The following CTTNBP2 variants were observed in gnomAD, a reference collection of about 807,000 sequenced individuals.
The protein encoded by CTTNBP2 is cortactin binding protein 2.
In CTTNBP2, 108 loss-of-function variants were observed where a neutral mutation model predicts 156.9. The ratio of observed to expected loss-of-function variants is 0.69; its 90% CI spans 0.59 to 0.81. The LOEUF is 0.81. Among genes scored for constraint, CTTNBP2 ranks in the 30% least tolerant of loss-of-function variants. The pLI is 0.00. For missense variants in CTTNBP2, 1,924 were observed against 2,035.4 expected, an observed-to-expected ratio of 0.95 and a Z score of 1.05; for synonymous variants, 767 against 751.8, an observed-to-expected ratio of 1.02 and a Z score of -0.33.
intron 19 of CTTNBP2, among the ~76,000 whole-genome samples, chr7:117,724,019 C>T (rs750870170): frequency 1.3e-5 from 2 of 152,042 alleles, no homozygotes; most frequent in African/African-American, 4.8e-5. Flanking sequence ...TATGAGCCAC[C>T]ATGCCTGGCC....
chr7:117,865,027 C>A (rs1804072980), intron 1 of CTTNBP2, among the ~76,000 whole-genome samples: 1 of 148,022 alleles, frequency 6.8e-6, no homozygotes, highest in African/African-American at 2.5e-5. Context: ...GCATATGGTA[C>A]AAAAGTACTT....
rs928272191 is a variant in CTTNBP2 at position 117,873,328 on chromosome 7, C to T, written c.81+7G>A. ...TAGCCCCGCGCCCGCCCCGGGAACT[C>T]GGTTACCGCCGCCTCCGCCGCGGCC... On this transcript the variant is annotated splice_region_variant and intron_variant, in intron 1 of 22. Transcript: ENST00000160373. 6.9e-7 allele frequency: 1 copy of T among 1,441,722 alleles called. No individual in the cohort carries two copies. Among genetic ancestry groups the T allele is most frequent in the Non-Finnish European group, 9.1e-7 (1 of 1,101,518 alleles). The allele number at this position is 1,441,722 out of a possible 1,614,324, so 89.3% of individuals were successfully genotyped here. A position where few individuals can be genotyped will look rare whatever the true frequency, so the allele number is the denominator to read the frequency against.
chr7:117,851,508 T>C (rs1247697068), intron 2 of CTTNBP2, among the ~76,000 whole-genome samples: 5 of 152,220 alleles, frequency 3.3e-5, no homozygotes, highest in Non-Finnish European at 7.3e-5. Flanking sequence ...TCCCTTTTAC[T>C]GTCAATCTAT....
intron 3 of CTTNBP2, among the ~76,000 whole-genome samples, chr7:117,801,116 A>G (rs985970032): frequency 3.9e-5 from 6 of 152,186 alleles, no homozygotes; most frequent in Admixed American, 2.0e-4. Flanking sequence ...ACAGGGGAGA[A>G]AGAAAAGCTT....
chr7:117,831,354 C>G (rs1801601265), intron 2 of CTTNBP2, among the ~76,000 whole-genome samples: 1 of 152,104 alleles, frequency 6.6e-6, no homozygotes, highest in African/African-American at 2.4e-5. Context: ...CAGTGTAGAG[C>G]TCTTAACATT....
chr7:117,757,429 A>G (rs1384778524), intron 11 of CTTNBP2, among the ~76,000 whole-genome samples: 1 of 150,486 alleles, frequency 6.6e-6, no homozygotes, highest in African/African-American at 2.4e-5. Flanking sequence ...TTTGATACTT[A>G]TAGTATGCTA....
At chr7:117,826,115 A>G (rs1801259061) in intron 2 of CTTNBP2, among the ~76,000 whole-genome samples, 2 of 152,128 alleles carry the variant, frequency 1.3e-5, no homozygotes, top group South Asian at 4.1e-4. Context: ...ACCACCCATT[A>G]TTCTAGAGCC....
At position 117,737,409 on chromosome 7, in the gene CTTNBP2, G is replaced by C. The variant is rs151161720; in HGVS notation, c.3536-1988C>G. Reference sequence around the variant, plus strand: ...CTGATTTGTGTTAAGTGCATCGCCAGTTTAAGTGGCTCTGAAGCTGCTGCA... The same window carrying C: ...CTGATTTGTGTTAAGTGCATCGCCACTTTAAGTGGCTCTGAAGCTGCTGCA... On this transcript the variant is annotated intron_variant, in intron 14 of 22. Transcript: ENST00000160373. Among the ~76,000 whole-genome samples the C allele has an allele frequency of 2.0e-3, 309 of 152,306 alleles. 1 individual carries two copies. Among genetic ancestry groups the C allele is most frequent in the African/African-American group, 7.0e-3 (292 of 41,562 alleles).
chr7:117,837,240 A>C (rs1802012597), intron 2 of CTTNBP2, among the ~76,000 whole-genome samples: 1 of 152,208 alleles, frequency 6.6e-6, no homozygotes. Context: ...AATTCCCCTA[A>C]GCCATTGAAT....
rs575287172 is a variant in CTTNBP2 at position 117,825,274 on chromosome 7, C to G, written c.190-14285G>C. ...CTCCTTACTAGGTACAAGGAAAAGT[C>G]TCTCATCGTCTGTCCTTGCAGAGTA... On this transcript the variant is annotated intron_variant, in intron 2 of 22. Transcript: ENST00000160373. Among the ~76,000 whole-genome samples the G allele has an allele frequency of 3.9e-5, 6 of 152,318 alleles. No individual in the cohort carries two copies. In the East Asian group the frequency reaches 1.2e-3, roughly 29 times the overall value.
chr7:117,768,545 G>A (rs1260398848), intron 8 of CTTNBP2, among the ~76,000 whole-genome samples: 1 of 99,778 alleles, frequency 1.0e-5, no homozygotes, highest in Non-Finnish European at 1.8e-5. Flanking sequence ...CAGCCTGGGT[G>A]ACAAAGCAAG....
intron 3 of CTTNBP2, among the ~76,000 whole-genome samples, chr7:117,797,350 C>A (rs972074487): frequency 6.6e-5 from 10 of 152,200 alleles, no homozygotes; most frequent in Non-Finnish European, 1.5e-5. Flanking sequence ...CAAAGTACAG[C>A]TCTTCAGCAG....
chr7:117,782,140 GTTAGA>G (rs951954000), intron 6 of CTTNBP2, among the ~76,000 whole-genome samples: 8 of 152,178 alleles, frequency 5.3e-5, no homozygotes, highest in Non-Finnish European at 1.0e-4. Flanking sequence ...TATCGGGACA[GTTAGA>G]TTAAAAAGTT....
intron 22 of CTTNBP2, among the ~76,000 whole-genome samples, chr7:117,717,092 T>C (rs1020868981): frequency 2.0e-5 from 3 of 152,064 alleles, no homozygotes; most frequent in African/African-American, 7.2e-5. Flanking sequence ...AACTAATGAG[T>C]GAGACATTTC....
At chr7:117,777,332 C>T (rs1287716604) in intron 8 of CTTNBP2, among the ~76,000 whole-genome samples, 179 bp downstream of exon 8, 2 of 152,138 alleles carry the variant, frequency 1.3e-5, no homozygotes, top group African/African-American at 4.8e-5. Flanking sequence ...GTCTCTTATA[C>T]CCTTGACCAT....
chr7:117,759,768 A>C (rs747771358), intron 10 of CTTNBP2, among the ~76,000 whole-genome samples: 5 of 152,210 alleles, frequency 3.3e-5, no homozygotes, highest in Non-Finnish European at 7.3e-5. Flanking sequence ...ACCTTTTATA[A>C]GCACCCAATA....
chr7:117,732,539 A>G (rs761184691), intron 16 of CTTNBP2, among the ~76,000 whole-genome samples: 1 of 151,468 alleles, frequency 6.6e-6, no homozygotes, highest in African/African-American at 2.4e-5. Context: ...AGTTCCAGCT[A>G]CTCAGGAGGC....
chr7:117,848,406 T>C (rs772157061), intron 2 of CTTNBP2, among the ~76,000 whole-genome samples: 2 of 152,118 alleles, frequency 1.3e-5, no homozygotes, highest in Non-Finnish European at 2.9e-5. Flanking sequence ...CTTATATCAA[T>C]GAATTTTATG....
In CTTNBP2 at chr7:117,769,530, A is replaced by C. The variant is rs562927238; in HGVS notation, c.2779-2354T>G. ...CAATCTGTACAATTATTATGTGGCC[A>C]TTAAAAAAGTAAATCTTAAAGAGAA... On this transcript the variant is annotated intron_variant, in intron 8 of 22. Transcript: ENST00000160373. 2.0e-5 allele frequency among the ~76,000 whole-genome samples: 3 copies of C among 152,368 alleles called. No homozygotes were observed. In the East Asian group the frequency reaches 5.8e-4, roughly 29 times the overall value.
Sources: allele counts gnomAD v4.1 joint callset (sites outside exome capture counted in the v4.1 genomes callset), GRCh38; gene constraint gnomAD v4.1.1; transcripts MANE v1.5; gene names NCBI Gene and HGNC (gene_info 2026-07-23, HGNC 2026-07-21).